Variants in CSMD1 observed in about 807,000 individuals in gnomAD.
CSMD1 encodes the protein CUB and Sushi multiple domains 1.
In CSMD1, 213 loss-of-function variants were observed where a neutral mutation model predicts 417.5. That is an observed-to-expected ratio of 0.51 (90% confidence interval 0.46 to 0.57). CSMD1 has a LOEUF of 0.57. Ranked by LOEUF, CSMD1 falls within the 20% of genes least tolerant of loss-of-function variation. The pLI, the probability that CSMD1 is intolerant of heterozygous loss-of-function variation, is 0.00. For missense variants in CSMD1, 6,923 were observed against 4,529.7 expected, an observed-to-expected ratio of 1.53 and a Z score of -15.17; for synonymous variants, 2,862 against 1,736.8, an observed-to-expected ratio of 1.65 and a Z score of -16.11.
At chr8:3,001,179 A>G (rs1807378503) in intron 52 of CSMD1, among the ~76,000 whole-genome samples, 1 of 151,950 alleles carries the variant, frequency 6.6e-6, no homozygotes, top group Non-Finnish European at 1.5e-5. Flanking sequence ...TATTTTTAGT[A>G]GAGATGGGGT....
intron 3 of CSMD1, among the ~76,000 whole-genome samples, chr8:4,218,775 T>C (rs1178277357): frequency 6.6e-6 from 1 of 152,242 alleles, no homozygotes; most frequent in Non-Finnish European, 1.5e-5. Context: ...GATTTGGTCC[T>C]GTAACAATAT....
intron 10 of CSMD1, among the ~76,000 whole-genome samples, chr8:3,521,518 T>G (rs10110411): frequency 0.14 from 21,487 of 152,194 alleles, 1,656 homozygotes; most frequent in Admixed American, 0.22. Context: ...TACAATGATC[T>G]GCCTGAGTAT....
rs146723313 is a variant in CSMD1 at position 4,370,962 on chromosome 8, G to A, written c.415+48991C>T. ...AGTCTGGTTTGAATCCATTGCTGGCGAGCTAGTGTGATTGTTTGGAGGCAA... is the reference window on the plus strand; with the variant it reads ...AGTCTGGTTTGAATCCATTGCTGGCAAGCTAGTGTGATTGTTTGGAGGCAA... On this transcript the variant is annotated intron_variant, in intron 3 of 69. Coordinates refer to ENST00000635120, the MANE Select transcript of CSMD1 (RefSeq NM_033225.6). Among the ~76,000 whole-genome samples the A allele has an allele frequency of 3.5e-4, 53 of 152,286 alleles. 1 individual carries two copies. The East Asian group carries it at 7.1e-3, about 21-fold the overall frequency.
intron 5 of CSMD1, among the ~76,000 whole-genome samples, chr8:3,847,611 C>T (rs1044507413): frequency 6.6e-6 from 1 of 152,108 alleles, no homozygotes; most frequent in Non-Finnish European, 1.5e-5. Context: ...GTCCTTGATT[C>T]CAGACCGATG....
At chr8:4,806,879 T>A (rs1021164017) in intron 1 of CSMD1, among the ~76,000 whole-genome samples, 1 of 152,136 alleles carries the variant, frequency 6.6e-6, no homozygotes, top group African/African-American at 2.4e-5. Context: ...TGAAAGATGG[T>A]CTTACCCTTC....
chr8:4,100,885 T>A (rs978756461), intron 3 of CSMD1, among the ~76,000 whole-genome samples: 1 of 152,202 alleles, frequency 6.6e-6, no homozygotes, highest in Non-Finnish European at 1.5e-5. Flanking sequence ...AGCCTCCATT[T>A]ATACAAGAAA....
chr8:3,828,804 G>C (rs1802203963), intron 5 of CSMD1, among the ~76,000 whole-genome samples: 1 of 152,142 alleles, frequency 6.6e-6, no homozygotes, highest in East Asian at 1.9e-4. Flanking sequence ...TGCACCTCAA[G>C]TTACAGCCTC....
Position 4,644,554 on chromosome 8 carries a change from G to A in CSMD1, c.86-6996C>T, listed in dbSNP as rs141713713. 1.3e-3 allele frequency among the ~76,000 whole-genome samples: 194 copies of A among 152,168 alleles called. 2 individuals are homozygous for A. Among genetic ancestry groups the A allele is most frequent in the African/African-American group, 4.2e-3 (175 of 41,514 alleles). ...CCAGAGTAGCTGGGATTACAGGCAC[G>A]CGCCACCACACCTGACTAATATTTC... On this transcript the variant is annotated intron_variant, in intron 1 of 69. Coordinates refer to ENST00000635120, the MANE Select transcript of CSMD1 (RefSeq NM_033225.6).
chr8:3,782,430 C>G (rs1256154183), intron 5 of CSMD1, among the ~76,000 whole-genome samples: 1 of 152,104 alleles, frequency 6.6e-6, no homozygotes, highest in Admixed American at 6.5e-5. Flanking sequence ...GTTCAACAAC[C>G]CTGAATTCAG....
intron 2 of CSMD1, among the ~76,000 whole-genome samples, chr8:4,618,974 C>T (rs1801626978): frequency 1.3e-5 from 2 of 152,136 alleles, no homozygotes; most frequent in South Asian, 2.1e-4. Context: ...ATAACAGAAG[C>T]TTCAGTAATA....
At chr8:4,732,344 C>CGTGTGTGT (rs750818272) in intron 1 of CSMD1, among the ~76,000 whole-genome samples, 6,399 of 141,026 alleles carry the variant, frequency 0.045, 163 homozygotes, top group African/African-American at 0.055. Flanking sequence ...ATTTCTTCTG[C>CGTGTGTGT]GTGTGTGTGT....
At chr8:3,337,716 TG>T (rs1489050485) in intron 23 of CSMD1, among the ~76,000 whole-genome samples, 6 of 152,342 alleles carry the variant, frequency 3.9e-5, no homozygotes, top group African/African-American at 1.2e-4. Flanking sequence ...CCTAGGAGTT[TG>T]GGCACTGATC....
intron 12 of CSMD1, among the ~76,000 whole-genome samples, chr8:3,435,415 A>G (rs868796463): frequency 6.6e-6 from 1 of 152,060 alleles, no homozygotes; most frequent in Non-Finnish European, 1.5e-5. Flanking sequence ...AAATGCCTGA[A>G]ACATCACCTG....
At chr8:3,388,587 A>T (rs569261451) in intron 17 of CSMD1, among the ~76,000 whole-genome samples, 6 of 152,300 alleles carry the variant, frequency 3.9e-5, no homozygotes, top group African/African-American at 1.4e-4. Flanking sequence ...GATCTTCGGG[A>T]TATTGTTTCT....
intron 1 of CSMD1, among the ~76,000 whole-genome samples, chr8:4,679,713 C>T (rs1003791104): frequency 6.6e-6 from 1 of 152,050 alleles, no homozygotes; most frequent in Non-Finnish European, 1.5e-5. Flanking sequence ...TGGATTTTTG[C>T]TGGATTTGAA....
At chr8:4,979,802 C>T (rs140022351) in intron 1 of CSMD1, among the ~76,000 whole-genome samples, 4,851 of 152,248 alleles carry the variant, frequency 0.032, 98 homozygotes, top group Middle Eastern at 0.12. Flanking sequence ...CTTTGGGAGG[C>T]TGAAGCGGGT....
chr8:4,841,930 A>AAAAAAAAAAACAAAAC (rs1192383183), intron 1 of CSMD1, among the ~76,000 whole-genome samples: 3,700 of 122,126 alleles, frequency 0.03, 163 homozygotes, highest in East Asian at 0.085. Context: ...AAAAAAAAAA[A>AAAAAAAAAAACAAAAC]AAAAAAAAGT....
intron 2 of CSMD1, among the ~76,000 whole-genome samples, chr8:4,482,520 T>C (rs527528922): frequency 2.0e-5 from 3 of 152,228 alleles, no homozygotes; most frequent in Non-Finnish European, 4.4e-5. Context: ...GTTGACTCCA[T>C]GTCTTTGCTA....
chr8:3,876,132 G>A (rs1180672572), intron 5 of CSMD1, among the ~76,000 whole-genome samples: 2 of 152,018 alleles, frequency 1.3e-5, no homozygotes, highest in East Asian at 3.9e-4. Flanking sequence ...AAAAAAGCAA[G>A]AAATTAACCT....
Sources: allele counts gnomAD v4.1 joint callset (sites outside exome capture counted in the v4.1 genomes callset), GRCh38; gene constraint gnomAD v4.1.1; transcripts MANE v1.5; gene names NCBI Gene and HGNC (gene_info 2026-07-23, HGNC 2026-07-21).